The following MRPL1 variants were observed in gnomAD, a reference collection of about 807,000 sequenced individuals.
MRPL1 encodes the protein large ribosomal subunit protein uL1m.
Under a neutral mutation model 38.0 loss-of-function variants are expected in MRPL1, and 28 were observed. The ratio of observed to expected loss-of-function variants is 0.74; its 90% CI spans 0.55 to 1.01. The LOEUF (loss-of-function observed/expected upper bound fraction) is 1.01. Among genes scored for constraint, MRPL1 ranks in the 50% least tolerant of loss-of-function variants. The pLI, the probability that MRPL1 is intolerant of heterozygous loss-of-function variation, is 0.00. For synonymous variants in MRPL1, 123 were observed against 126.7 expected (o/e 0.97, Z 0.20); for missense variants, 358 against 389.8 (o/e 0.92, Z 0.69).
chr4:77,865,086 C>T (rs1735098339), intron 1 of MRPL1, among the ~76,000 whole-genome samples: 1 of 151,918 alleles, frequency 6.6e-6, no homozygotes, highest in Non-Finnish European at 1.5e-5. Context: ...GGTGGGGTTT[C>T]ACCATGTTGG....
intron 7 of MRPL1, among the ~76,000 whole-genome samples, chr4:77,927,429 C>G (rs1419486934): frequency 6.6e-6 from 1 of 152,094 alleles, no homozygotes; most frequent in African/African-American, 2.4e-5. Flanking sequence ...TGTGAAGCAT[C>G]AATTCCTCCT....
intron 3 of MRPL1, among the ~76,000 whole-genome samples, chr4:77,883,965 T>G (rs1375950571): frequency 1.3e-5 from 2 of 152,320 alleles, no homozygotes; most frequent in East Asian, 3.9e-4. Context: ...TGTTTGTTCA[T>G]TTAAAAATTT....
At chr4:77,900,107 G>A (rs977944131) in intron 6 of MRPL1, among the ~76,000 whole-genome samples, 1 of 152,194 alleles carries the variant, frequency 6.6e-6, no homozygotes, top group African/African-American at 2.4e-5. Context: ...AACATATGAT[G>A]TGTGGGCCAC....
At chr4:77,933,300 C>T (rs1325563851) in intron 7 of MRPL1, among the ~76,000 whole-genome samples, 1 of 152,120 alleles carries the variant, frequency 6.6e-6, no homozygotes, top group African/African-American at 2.4e-5. Flanking sequence ...GGGCATACCA[C>T]CCTTGCTTTT....
intron 7 of MRPL1, among the ~76,000 whole-genome samples, chr4:77,912,466 C>A (rs1268734828): frequency 6.6e-6 from 1 of 151,976 alleles, no homozygotes; most frequent in South Asian, 2.1e-4. Flanking sequence ...GTAGTAATAG[C>A]AAATATATTA....
chr4:77,898,187 C>G (rs747398055), intron 6 of MRPL1, among the ~76,000 whole-genome samples: 1 of 152,104 alleles, frequency 6.6e-6, no homozygotes, highest in Non-Finnish European at 1.5e-5. Context: ...ATATTACTAC[C>G]ACTTCCTATT....
intron 2 of MRPL1, among the ~76,000 whole-genome samples, chr4:77,881,616 G>A (rs1735544365): frequency 6.6e-6 from 1 of 151,686 alleles, no homozygotes; most frequent in Admixed American, 6.6e-5. Flanking sequence ...TAATTTTTTT[G>A]ATTTGGTAGA....
At chr4:77,929,147 T>G (rs1301532845) in intron 7 of MRPL1, among the ~76,000 whole-genome samples, 1 of 152,222 alleles carries the variant, frequency 6.6e-6, no homozygotes, top group Non-Finnish European at 1.5e-5. Flanking sequence ...AGTGGTAAGC[T>G]GGGCATGGTG....
chr4:77,882,566 A>C (rs552598955), intron 2 of MRPL1, among the ~76,000 whole-genome samples: 1 of 152,336 alleles, frequency 6.6e-6, no homozygotes, highest in African/African-American at 2.4e-5. Flanking sequence ...GATATTTGGT[A>C]TAAATGGAAT....
At chr4:77,872,416 A>G (rs993994746) in intron 2 of MRPL1, among the ~76,000 whole-genome samples, 3 of 152,148 alleles carry the variant, frequency 2.0e-5, no homozygotes, top group Non-Finnish European at 4.4e-5. Context: ...AGATTTGCAT[A>G]GTATATATAT....
chr4:77,945,759 C>A (rs1328763075), intron 7 of MRPL1, among the ~76,000 whole-genome samples: 1 of 151,918 alleles, frequency 6.6e-6, no homozygotes, highest in Non-Finnish European at 1.5e-5. Flanking sequence ...TTGAGGACTT[C>A]AAAAGGGGAG....
At chr4:77,872,295 A>AAATT (rs10650101) in intron 2 of MRPL1, among the ~76,000 whole-genome samples, 33,642 of 151,924 alleles carry the variant, frequency 0.22, 4,619 homozygotes, top group African/African-American at 0.39. Flanking sequence ...TTTAATTAAG[A>AAATT]AATTAATTTA....
rs141558413 is a variant in MRPL1 at position 77,883,265 on chromosome 4, G to C, written c.167G>C (p.Gly56Ala). Residue 56 changes from glycine to alanine, a missense_variant, in exon 3 of 9, where the codon GGT (glycine) becomes GCT (alanine). Transcript: ENST00000315567. ...ATKSAKKTKKGAKEKTPDEKK... is the reference protein window; with the variant it reads ...ATKSAKKTKKAAKEKTPDEKK... ...AGGTCTGCAAAGAAAACAAAAAAAG[G>C]TGCTAAAGAAAAAACACCAGATGAG... The C allele has an allele frequency of 3.8e-6, 6 of 1,580,246 alleles. No individual in the cohort carries two copies. In the African/African-American group the frequency reaches 8.3e-5, roughly 22 times the overall value.
intron 5 of MRPL1, among the ~76,000 whole-genome samples, chr4:77,889,912 C>CT (rs1735770166): frequency 6.6e-6 from 1 of 152,132 alleles, no homozygotes; most frequent in African/African-American, 2.4e-5. Flanking sequence ...CATATACACC[C>CT]TCCCAAGACT....
At chr4:77,925,253 T>C (rs1258600568) in intron 7 of MRPL1, among the ~76,000 whole-genome samples, 1 of 152,084 alleles carries the variant, frequency 6.6e-6, no homozygotes, top group Non-Finnish European at 1.5e-5. Flanking sequence ...ATATGTTTAA[T>C]ATGTATTAAA....
chr4:77,888,613 G>A (rs1163650291), intron 5 of MRPL1, among the ~76,000 whole-genome samples: 3 of 152,024 alleles, frequency 2.0e-5, no homozygotes, highest in African/African-American at 4.8e-5. Flanking sequence ...TAGGAAGTAG[G>A]AAGAAGAGGC....
chr4:77,932,274 T>C (rs1340978001), intron 7 of MRPL1, among the ~76,000 whole-genome samples: 1 of 152,132 alleles, frequency 6.6e-6, no homozygotes, highest in Non-Finnish European at 1.5e-5. Context: ...GCAGAGATTT[T>C]TAAAGAGACT....
At chr4:77,894,477 A>C (rs905423778) in intron 6 of MRPL1, among the ~76,000 whole-genome samples, 1 of 152,128 alleles carries the variant, frequency 6.6e-6, no homozygotes, top group Non-Finnish European at 1.5e-5. Flanking sequence ...CCAGTTTTTA[A>C]AATGTAGATC....
At chr4:77,942,876 A>G (rs1323708597) in intron 7 of MRPL1, among the ~76,000 whole-genome samples, 1 of 152,172 alleles carries the variant, frequency 6.6e-6, no homozygotes, top group Non-Finnish European at 1.5e-5. Flanking sequence ...CTTACATTCA[A>G]CATTAGTATT....
Sources: allele counts gnomAD v4.1 joint callset (sites outside exome capture counted in the v4.1 genomes callset), GRCh38; gene constraint gnomAD v4.1.1; transcripts MANE v1.5; gene names NCBI Gene and HGNC (gene_info 2026-07-23, HGNC 2026-07-21).